Variants in TNFAIP1 observed in about 807,000 individuals in gnomAD.
TNFAIP1 encodes the protein TNF alpha induced protein 1.
Under a neutral mutation model 32.6 loss-of-function variants are expected in TNFAIP1, and 20 were observed. The observed-to-expected ratio is 0.61, with a 90% confidence interval of 0.43 to 0.89. The LOEUF (loss-of-function observed/expected upper bound fraction) is 0.89. Ranked by LOEUF, TNFAIP1 falls within the 40% of genes least tolerant of loss-of-function variation. TNFAIP1 has a pLI of 0.00. For missense variants in TNFAIP1, 319 were observed against 425.1 expected, an observed-to-expected ratio of 0.75 and a Z score of 2.20; for synonymous variants, 166 against 166.8, an observed-to-expected ratio of 1.00 and a Z score of 0.04.
At chr17:28,338,222 C>T (rs1269798567) in intron 1 of TNFAIP1, among the ~76,000 whole-genome samples, 5 of 152,184 alleles carry the variant, frequency 3.3e-5, no homozygotes, top group Admixed American at 6.5e-5. Context: ...CCTCCCACCT[C>T]GGCCTACTGA....
Position 28,340,440 on chromosome 17 carries a change from A to G in TNFAIP1, c.337A>G (p.Ile113Val). 1.2e-6 allele frequency: 2 copies of G among 1,613,918 alleles called. No homozygotes were observed. The highest frequency in any genetic ancestry group is 1.7e-6 in the Non-Finnish European group (2 of 1,179,948). Residue 113 changes from isoleucine to valine, a missense_variant, in exon 3 of 7, where the codon ATC becomes GTC. Physicochemically the swap from Ile to Val is conservative, Grantham distance 29. Transcript: ENST00000226225. The surrounding 1 kb of genome is among the most constrained non-coding windows in gnomAD (Gnocchi z 4.1). Reference sequence around the variant, plus strand: ...GATGGCTGAAGCAAAGTATTACCTCATCCAGGGGCTGGTGAATATGTGCCA... The same window carrying G: ...GATGGCTGAAGCAAAGTATTACCTCGTCCAGGGGCTGGTGAATATGTGCCA... ...ELMAEAKYYL[I>V]QGLVNMCQSA...
intron 5 of TNFAIP1, 71 bp downstream of exon 5, chr17:28,341,527 C>T (rs375542704): frequency 6.3e-5 from 99 of 1,564,022 alleles, no homozygotes; most frequent in Middle Eastern, 2.1e-4. Flanking sequence ...ACTCCCAGCA[C>T]GGTCGGCGTG....
At chr17:28,343,089 C>T (rs985787859) in intron 6 of TNFAIP1, among the ~76,000 whole-genome samples, 4 of 152,268 alleles carry the variant, frequency 2.6e-5, no homozygotes, top group East Asian at 3.9e-4. Context: ...GTGGGAAGAT[C>T]CCTTGAGCCC....
At chr17:28,341,166 C>G (rs1386711817) in intron 3 of TNFAIP1, 71 bp from the exon 4 acceptor site, 23 of 1,554,462 alleles carry the variant, frequency 1.5e-5, no homozygotes, top group Non-Finnish European at 2.0e-5. Context: ...CAGAGGGGCT[C>G]CAGAGGTATA....
rs1555577986 is a variant in TNFAIP1, at chr17:28,340,364, C to G, written c.261C>G (p.Leu87=). The G allele has an allele frequency of 6.2e-7, 1 of 1,614,116 alleles. No homozygotes were observed. The highest frequency in any genetic ancestry group is 8.5e-7 in the Non-Finnish European group (1 of 1,180,014). Residue 87 remains leucine (L), a synonymous_variant, in exon 3 of 7, where the codon CTC becomes CTG. Coordinates refer to ENST00000226225, the MANE Select transcript of TNFAIP1 (RefSeq NM_021137.5). This position sits in a 1 kb window ranked among gnomAD's most constrained non-coding sequence, Gnocchi z 4.1. ...ACTTTGGCACCATTTTGAATTACCT[C>G]CGAGATGACACCATCACCCTCCCTC... ...GKHFGTILNY[L]RDDTITLPQN...
At chr17:28,341,137 AAGCAG>A in intron 3 of TNFAIP1, 95 bp from the exon 4 acceptor site, 1 of 1,240,752 alleles carries the variant, frequency 8.1e-7, no homozygotes, top group Non-Finnish European at 1.2e-6. Context: ...CTTCCTCACC[AAGCAG>A]CGGGTGGCCA....
At position 28,342,549 on chromosome 17, in the gene TNFAIP1, C is replaced by T; in HGVS notation, c.714+107C>T. ...GAGCAAAAGGGGCATGGACTTGGCT[C>T]TTTTTTCCAAACACGGTAATGGTGC... On this transcript the variant is annotated intron_variant, in intron 6 of 6. Coordinates refer to ENST00000226225, the MANE Select transcript of TNFAIP1 (RefSeq NM_021137.5). This position sits in a 1 kb window ranked among gnomAD's most constrained non-coding sequence, Gnocchi z 4.0. 1 of 1,172,552 alleles carries T rather than the reference C, an allele frequency of 8.5e-7. No individual in the cohort carries two copies. The highest frequency in any genetic ancestry group is 1.9e-5 in the South Asian group (1 of 53,438). 72.6% of individuals were successfully genotyped at this position (1,172,552 alleles called of 1,614,324 possible).
At chr17:28,337,819 ACT>A (rs1907229839) in intron 1 of TNFAIP1, among the ~76,000 whole-genome samples, 1 of 151,734 alleles carries the variant, frequency 6.6e-6, no homozygotes, top group Non-Finnish European at 1.5e-5. Flanking sequence ...CTCTCATATC[ACT>A]GTTTTATTAT....
chr17:28,343,534 T>C (rs1555578462), intron 6 of TNFAIP1, among the ~76,000 whole-genome samples: 1 of 110,730 alleles, frequency 9.0e-6, no homozygotes, highest in Admixed American at 1.0e-4. Context: ...CGGTTTTTGG[T>C]GTAGGGGTGG....
In TNFAIP1 at chr17:28,342,339, T is replaced by C. The variant is rs782035485; in HGVS notation, c.611T>C (p.Ile204Thr). ...NGRVLFIKDV[I>T]GDEICCWSFY... The stretch of plus-strand genomic sequence containing the variant: ...CGCGTGCTCTTCATCAAGGATGTCA[T>C]TGGTGACGAGATCTGCTGCTGGTCC... The change falls in exon 6 of 7, where the codon ATT (isoleucine) becomes ACT (threonine). Residue 204 changes from isoleucine (I) to threonine (T), a missense_variant. Ile to Thr is a moderately conservative substitution (Grantham distance 89). Coordinates refer to ENST00000226225, the MANE Select transcript of TNFAIP1 (RefSeq NM_021137.5). This position sits in a 1 kb window ranked among gnomAD's most constrained non-coding sequence, Gnocchi z 4.0. 13 of 1,607,678 alleles carry C rather than the reference T, an allele frequency of 8.1e-6. No homozygotes were observed. The highest frequency in any genetic ancestry group is 6.7e-5 in the African/African-American group (5 of 74,840).
rs569362068 is a variant in TNFAIP1 at position 28,346,870 on chromosome 17, T to G, written c.*2270T>G. ...ATTGGGTTTTATTGAATTTGGTATGTGACCAAGGTCGGCCTAAAGGATGGC... is the reference window on the plus strand; with the variant it reads ...ATTGGGTTTTATTGAATTTGGTATGGGACCAAGGTCGGCCTAAAGGATGGC... On this transcript the variant is annotated 3_prime_UTR_variant, in exon 7 of 7. Coordinates refer to ENST00000226225, the MANE Select transcript of TNFAIP1 (RefSeq NM_021137.5). The G allele has an allele frequency of 6.6e-6, 1 of 152,368 alleles. No homozygotes were observed. The highest frequency in any genetic ancestry group is 1.5e-5 in the Non-Finnish European group (1 of 68,032). 9.4% of individuals were successfully genotyped at this position (152,368 alleles called of 1,614,324 possible).
Position 28,342,547 on chromosome 17 carries a change from C to A in TNFAIP1, c.714+105C>A. ...CGGAGCAAAAGGGGCATGGACTTGG[C>A]TCTTTTTTCCAAACACGGTAATGGT... is the stretch of plus-strand genomic sequence containing the variant. On this transcript the variant is annotated intron_variant, in intron 6 of 6. Transcript: ENST00000226225. This position sits in a 1 kb window ranked among gnomAD's most constrained non-coding sequence, Gnocchi z 4.0. The A allele has an allele frequency of 1.7e-6, 2 of 1,181,556 alleles. No individual in the cohort carries two copies. Among genetic ancestry groups the A allele is most frequent in the African/African-American group, 1.5e-5 (1 of 65,466 alleles). The allele number at this position is 1,181,556 out of a possible 1,614,324, so 73.2% of individuals were successfully genotyped here. A position where few individuals can be genotyped will look rare whatever the true frequency, so the allele number is the denominator to read the frequency against.
chr17:28,341,934 C>T lies in TNFAIP1; in HGVS notation c.519-313C>T, dbSNP rs141039653. ...TGGCCAGGCATATTGCCACTGTCAC[C>T]CCCACAGTAAGGGAAGGAATGCCTC... On this transcript the variant is annotated intron_variant, in intron 5 of 6. Transcript: ENST00000226225. Among the ~76,000 whole-genome samples the T allele has an allele frequency of 1.6e-3, 243 of 152,328 alleles. 1 individual carries two copies. The highest frequency in any genetic ancestry group is 6.8e-3 in the Middle Eastern group (2 of 294).
At chr17:28,344,256 T>C (rs1393316408) in intron 6 of TNFAIP1, 108 bp from the exon 7 acceptor site, 3 of 951,938 alleles carry the variant, frequency 3.2e-6, no homozygotes, top group Non-Finnish European at 4.9e-6. Flanking sequence ...GCCACCTGTT[T>C]TATGAGAGGT....
At chr17:28,343,283 C>G (rs1555578447) in intron 6 of TNFAIP1, among the ~76,000 whole-genome samples, 1 of 152,112 alleles carries the variant, frequency 6.6e-6, no homozygotes, top group Non-Finnish European at 1.5e-5. Flanking sequence ...TGGCCCCTCT[C>G]CCCCAGGCTG....
At position 28,340,036 on chromosome 17, in the gene TNFAIP1, G is replaced by C. The variant is rs1322634873; in HGVS notation, c.206-273G>C. Among the ~76,000 whole-genome samples, 1 of 152,194 alleles carries C rather than the reference G, an allele frequency of 6.6e-6. No individual in the cohort carries two copies. The highest frequency in any genetic ancestry group is 1.5e-5 in the Non-Finnish European group (1 of 68,026). On this transcript the variant is annotated intron_variant, in intron 2 of 6. Transcript: ENST00000226225. The surrounding 1 kb of genome is among the most constrained non-coding windows in gnomAD (Gnocchi z 4.1). The stretch of plus-strand genomic sequence containing the variant: ...GTGGTTTCTGTGTTGGGCTGGGCCT[G>C]GTACCCTGAGCCTAGGCCCCTGTGG...
In TNFAIP1 at chr17:28,344,390, TGA is replaced by T. The variant is rs1567788057; in HGVS notation, c.743_744del (p.Glu248GlyfsTer9). ...TGGAATTCCCAGAGGCCCGAATCTA[TGA>T]GGAGACACTCAACGTCCTACTCTAT... ...KVEFPEARIY[E>X]ETLNVLLYET... On this transcript the variant is annotated frameshift_variant, in exon 7 of 7. Coordinates refer to ENST00000226225, the MANE Select transcript of TNFAIP1 (RefSeq NM_021137.5). LOFTEE classifies it high-confidence loss of function. The T allele has an allele frequency of 6.2e-7, 1 of 1,613,798 alleles. No individual in the cohort carries two copies. The highest frequency in any genetic ancestry group is 1.7e-5 in the Admixed American group (1 of 60,016).
intron 1 of TNFAIP1, among the ~76,000 whole-genome samples, chr17:28,337,439 A>G (rs782749108): frequency 6.6e-6 from 1 of 152,038 alleles, no homozygotes; most frequent in Non-Finnish European, 1.5e-5. Context: ...AGATTTCCCT[A>G]TGTCACCCAG....
At chr17:28,343,399 GA>G (rs1907433786) in intron 6 of TNFAIP1, among the ~76,000 whole-genome samples, 1 of 152,098 alleles carries the variant, frequency 6.6e-6, no homozygotes, top group Admixed American at 6.5e-5. Flanking sequence ...TGGGTGTGAA[GA>G]GCTCAAAGTA....
Sources: allele counts gnomAD v4.1 joint callset (sites outside exome capture counted in the v4.1 genomes callset), GRCh38; gene constraint gnomAD v4.1.1; non-coding constraint Gnocchi (gnomAD v3.1); transcripts MANE v1.5; gene names NCBI Gene and HGNC (gene_info 2026-07-23, HGNC 2026-07-21).